Variants in GPR137B observed in about 807,000 individuals in gnomAD.
GPR137B encodes integral membrane protein GPR137B.
Under a neutral mutation model 42.5 loss-of-function variants are expected in GPR137B, and 42 were observed. The observed-to-expected ratio is 0.99, with a 90% confidence interval of 0.77 to 1.28. The LOEUF (loss-of-function observed/expected upper bound fraction) is 1.28, where lower values mean the gene tolerates loss of function less well. GPR137B is among the 50% of genes most tolerant of loss of function. GPR137B has a pLI of 0.00. For missense variants in GPR137B, 487 were observed against 493.9 expected, an observed-to-expected ratio of 0.99 and a Z score of 0.13; for synonymous variants, 218 against 209.7, an observed-to-expected ratio of 1.04 and a Z score of -0.34.
chr1:236,168,817 ATC>A, intron 2 of GPR137B, 62 bp downstream of exon 2: 2 of 1,151,600 alleles, frequency 1.7e-6, no homozygotes, highest in Non-Finnish European at 2.6e-6. Context: ...CATGAATCTC[ATC>A]TCTCCATTGG....
chr1:236,165,690 T>C (rs1344306456), intron 1 of GPR137B, among the ~76,000 whole-genome samples: 1 of 152,244 alleles, frequency 6.6e-6, no homozygotes, highest in Non-Finnish European at 1.5e-5. Context: ...AAGACTGTAA[T>C]TGGTCAAATA....
At chr1:236,163,270 C>G (rs1662251355) in intron 1 of GPR137B, among the ~76,000 whole-genome samples, 1 of 152,216 alleles carries the variant, frequency 6.6e-6, no homozygotes, top group South Asian at 2.1e-4. Flanking sequence ...ATGCCTGTAT[C>G]TCCATTGTAT....
chr1:236,193,582 T>C (rs562940000), intron 5 of GPR137B, among the ~76,000 whole-genome samples: 1 of 152,308 alleles, frequency 6.6e-6, no homozygotes, highest in African/African-American at 2.4e-5. Flanking sequence ...TTAAATGATA[T>C]CTCCTTTTGG....
chr1:236,151,844 A>G (rs1661876321), intron 1 of GPR137B, among the ~76,000 whole-genome samples: 1 of 152,112 alleles, frequency 6.6e-6, no homozygotes, highest in Non-Finnish European at 1.5e-5. Context: ...CCCACCCCAT[A>G]GGCTACTCTC....
rs898718603 is a variant in GPR137B at position 236,168,715 on chromosome 1, A to C, written c.424A>C (p.Lys142Gln). Reference protein sequence around the residue: ...MNLYFTQVIFKAKSKYSPELL... With the variant: ...MNLYFTQVIFQAKSKYSPELL... ...TTTTCTGTCGTTGCAGGTGATTTTC[A>C]AAGCCAAGTCAAAATATTCTCCAGA... The change falls in exon 2 of 7, where the codon AAA becomes CAA. Residue 142 changes from lysine to glutamine, a missense_variant. Physicochemically the swap from Lys to Gln is moderately conservative, Grantham distance 53. Transcript: ENST00000366592. 1 of 1,612,662 alleles carries C rather than the reference A, an allele frequency of 6.2e-7. No individual in the cohort carries two copies. Among genetic ancestry groups the C allele is most frequent in the South Asian group, 1.1e-5 (1 of 91,060 alleles).
At chr1:236,158,009 C>T (rs916910441) in intron 1 of GPR137B, among the ~76,000 whole-genome samples, 2 of 152,166 alleles carry the variant, frequency 1.3e-5, no homozygotes, top group African/African-American at 4.8e-5. Flanking sequence ...CCAGATTTAC[C>T]TAGTGAAAGC....
intron 5 of GPR137B, among the ~76,000 whole-genome samples, chr1:236,204,313 A>G (rs763705425): frequency 5.3e-5 from 8 of 152,130 alleles, no homozygotes; most frequent in Non-Finnish European, 1.0e-4. Flanking sequence ...GTTTACTAGT[A>G]TTTTGTTGAA....
intron 2 of GPR137B, among the ~76,000 whole-genome samples, 175 bp downstream of exon 2, chr1:236,168,930 G>C (rs1662442764): frequency 6.6e-6 from 1 of 152,188 alleles, no homozygotes; most frequent in Non-Finnish European, 1.5e-5. Flanking sequence ...GTAAGGGTCA[G>C]GTCATCAGAT....
chr1:236,196,184 G>A (rs1663325494), intron 5 of GPR137B, among the ~76,000 whole-genome samples: 1 of 152,068 alleles, frequency 6.6e-6, no homozygotes, highest in South Asian at 2.1e-4. Context: ...CTGTTGCCCA[G>A]GCTGGAGTAC....
Position 236,178,582 on chromosome 1 carries a change from C to A in GPR137B, c.633C>A (p.Ile211=), listed in dbSNP as rs756726170. 3.1e-6 allele frequency: 5 copies of A among 1,612,800 alleles called. No homozygotes were observed. The East Asian group carries it at 1.1e-4, about 36-fold the overall frequency. The change falls in exon 3 of 7, where the codon ATC becomes ATA. Residue 211 remains isoleucine (I), a synonymous_variant. Transcript: ENST00000366592. Reference sequence around the variant, plus strand: ...TGCTGTGTGCCGTCTCTCTCTCCATCTGTCTCTACAAAATCTCTAAGATGT... The same window carrying A: ...TGCTGTGTGCCGTCTCTCTCTCCATATGTCTCTACAAAATCTCTAAGATGT... ...LFVLCAVSLS[I]CLYKISKMSL... is the part of the protein sequence containing the mutation.
At position 236,178,785 on chromosome 1, in the gene GPR137B, GTTTTTTTTTTTTTTTTTT is replaced by G. The variant is rs3082534; in HGVS notation, c.687+162_687+179del. 139 of 49,524 alleles carry G rather than the reference GTTTTTTTTTTTTTTTTTT, an allele frequency of 2.8e-3. 17 individuals carry two copies. The South Asian group carries it at 0.031, about 11-fold the overall frequency. 3.1% of individuals were successfully genotyped at this position (49,524 alleles called of 1,614,324 possible). A position where few individuals can be genotyped will look rare whatever the true frequency, so the allele number is the denominator to read the frequency against. On this transcript the variant is annotated intron_variant, in intron 3 of 6. Transcript: ENST00000366592. ...GTCTCCCACACAGGGGCTACTCGAG[GTTTTTTTTTTTTTTTTTT>G]TTTTTTTTTTTTGAGACGGAGTCTC...
At chr1:236,151,511 C>T (rs1661864013) in intron 1 of GPR137B, among the ~76,000 whole-genome samples, 1 of 149,730 alleles carries the variant, frequency 6.7e-6, no homozygotes, top group Admixed American at 6.8e-5. Flanking sequence ...GCAACATCTG[C>T]CTCCCAGGTT....
At chr1:236,186,220 T>TATTATATATATA (rs1663013060) in intron 5 of GPR137B, among the ~76,000 whole-genome samples, 1 of 48,654 alleles carries the variant, frequency 2.1e-5, no homozygotes, top group Non-Finnish European at 2.9e-5. Context: ...ATATATTATA[T>TATTATATATATA]ATAATATAAT....
intron 1 of GPR137B, 140 bp downstream of exon 1, chr1:236,143,176 G>A (rs1221905276): frequency 1.4e-6 from 1 of 695,758 alleles, no homozygotes; most frequent in Non-Finnish European, 2.4e-6. Flanking sequence ...CGGCTCTGGG[G>A]TCGTCCGAAC....
intron 2 of GPR137B, among the ~76,000 whole-genome samples, chr1:236,174,442 T>C (rs539206478): frequency 3.5e-4 from 53 of 152,306 alleles, no homozygotes; most frequent in African/African-American, 1.2e-3. Flanking sequence ...TGCTGGGTTC[T>C]GGAAGATGCG....
chr1:236,206,237 A>G (rs567567718), intron 6 of GPR137B, among the ~76,000 whole-genome samples: 5 of 152,346 alleles, frequency 3.3e-5, no homozygotes, highest in Non-Finnish European at 7.3e-5. Context: ...TACTATTATT[A>G]GCCTCATAAT....
At chr1:236,187,291 C>T (rs1663062919) in intron 5 of GPR137B, among the ~76,000 whole-genome samples, 1 of 152,126 alleles carries the variant, frequency 6.6e-6, no homozygotes, top group Non-Finnish European at 1.5e-5. Flanking sequence ...TGCCTGTTTA[C>T]TCTGATGATA....
intron 1 of GPR137B, among the ~76,000 whole-genome samples, chr1:236,160,336 T>C (rs376798431): frequency 1.3e-5 from 2 of 152,186 alleles, no homozygotes; most frequent in African/African-American, 4.8e-5. Context: ...ATTCAGTTCC[T>C]GATCGGGTTC....
intron 1 of GPR137B, among the ~76,000 whole-genome samples, chr1:236,165,148 G>T (rs967791997): frequency 1.3e-5 from 2 of 152,144 alleles, no homozygotes; most frequent in Non-Finnish European, 2.9e-5. Flanking sequence ...CAGGCAATCC[G>T]CCTGCCTCAG....
Sources: allele counts gnomAD v4.1 joint callset (sites outside exome capture counted in the v4.1 genomes callset), GRCh38; gene constraint gnomAD v4.1.1; transcripts MANE v1.5; gene names NCBI Gene and HGNC (gene_info 2026-07-23, HGNC 2026-07-21).